The following STAU2 variants were observed in gnomAD, a reference collection of about 807,000 sequenced individuals.
STAU2 encodes the protein staufen double-stranded RNA binding protein 2.
STAU2 carries 20 observed loss-of-function variants against 65.9 expected under a neutral mutation model. The observed-to-expected ratio is 0.30, with a 90% confidence interval of 0.21 to 0.44. The LOEUF (loss-of-function observed/expected upper bound fraction) is 0.44, where lower values mean the gene tolerates loss of function less well. Ranked by LOEUF, STAU2 falls within the 20% of genes least tolerant of loss-of-function variation. The probability of loss-of-function intolerance (pLI) is 1.00; values close to 1 mark genes in which losing one functional copy is unlikely to be tolerated. For synonymous variants in STAU2, 232 were observed against 233.9 expected, an observed-to-expected ratio of 0.99 and a Z score of 0.07; for missense variants, 558 against 683.9, an observed-to-expected ratio of 0.82 and a Z score of 2.05.
chr8:73,724,992 T>C (rs560978246), intron 3 of STAU2, among the ~76,000 whole-genome samples: 47 of 152,324 alleles, frequency 3.1e-4, no homozygotes, highest in African/African-American at 1.1e-3. Flanking sequence ...CAGTTAATTA[T>C]GTGTATGAAA....
At chr8:73,538,079 G>A (rs998616396) in intron 13 of STAU2, among the ~76,000 whole-genome samples, 1 of 152,202 alleles carries the variant, frequency 6.6e-6, no homozygotes, top group Non-Finnish European at 1.5e-5. Flanking sequence ...CCAAAGAACT[G>A]ATACTTGATT....
chr8:73,711,192 A>G (rs1260065120), intron 3 of STAU2, among the ~76,000 whole-genome samples: 1 of 151,698 alleles, frequency 6.6e-6, no homozygotes, highest in Non-Finnish European at 1.5e-5. Flanking sequence ...AGTACAAAAA[A>G]GACAAAAGTC....
At chr8:73,546,148 G>GTTTTTTTTTT (rs1563412799) in intron 13 of STAU2, among the ~76,000 whole-genome samples, 2 of 116,462 alleles carry the variant, frequency 1.7e-5, no homozygotes, top group Non-Finnish European at 1.6e-5. Flanking sequence ...TTTTTTTTTG[G>GTTTTTTTTTT]TAGAGACAGA....
chr8:73,491,637 T>C (rs1821160376), intron 13 of STAU2, among the ~76,000 whole-genome samples: 1 of 151,974 alleles, frequency 6.6e-6, no homozygotes, highest in Non-Finnish European at 1.5e-5. Context: ...TTTAAAATCT[T>C]ATTTTCAAAC....
At chr8:73,730,179 T>A (rs543769014) in intron 3 of STAU2, among the ~76,000 whole-genome samples, 1 of 152,340 alleles carries the variant, frequency 6.6e-6, no homozygotes, top group African/African-American at 2.4e-5. Context: ...CTCTCAGGAC[T>A]GTTTTCACTG....
At chr8:73,717,132 G>A (rs1821305167) in intron 3 of STAU2, among the ~76,000 whole-genome samples, 1 of 151,998 alleles carries the variant, frequency 6.6e-6, no homozygotes, top group Non-Finnish European at 1.5e-5. Flanking sequence ...GTAGGAAAAA[G>A]ATGAATTGCT....
chr8:73,687,706 A>G (rs902491312), intron 5 of STAU2, among the ~76,000 whole-genome samples: 10 of 149,226 alleles, frequency 6.7e-5, no homozygotes, highest in African/African-American at 2.2e-4. Flanking sequence ...CCAAGCCACT[A>G]TCATTTTTGT....
intron 4 of STAU2, among the ~76,000 whole-genome samples, chr8:73,698,097 T>C (rs1819805977): frequency 6.6e-6 from 1 of 151,524 alleles, no homozygotes; most frequent in Non-Finnish European, 1.5e-5. Flanking sequence ...AGAAAATTAA[T>C]TTAAAAAAGA....
chr8:73,602,676 T>C (rs1214216782), intron 10 of STAU2, among the ~76,000 whole-genome samples: 3 of 149,140 alleles, frequency 2.0e-5, no homozygotes, highest in African/African-American at 7.5e-5. Flanking sequence ...TGAGCCATGA[T>C]CATGCCACCG....
intron 13 of STAU2, among the ~76,000 whole-genome samples, chr8:73,531,563 C>T (rs1201732720): frequency 6.6e-6 from 1 of 151,996 alleles, no homozygotes; most frequent in Non-Finnish European, 1.5e-5. Context: ...CTCATAAAGA[C>T]AAGTTAAATA....
chr8:73,508,001 G>C (rs1822166745), intron 13 of STAU2, among the ~76,000 whole-genome samples: 1 of 152,180 alleles, frequency 6.6e-6, no homozygotes, highest in African/African-American at 2.4e-5. Flanking sequence ...ATTAGGCTTT[G>C]GCTTAAGAGA....
At chr8:73,546,387 C>T (rs1343173264) in intron 13 of STAU2, among the ~76,000 whole-genome samples, 1 of 152,108 alleles carries the variant, frequency 6.6e-6, no homozygotes, top group Non-Finnish European at 1.5e-5. Flanking sequence ...GGGCCACCAC[C>T]ACACATTAGT....
chr8:73,539,482 C>A (rs4400376), intron 13 of STAU2, among the ~76,000 whole-genome samples: 3 of 151,724 alleles, frequency 2.0e-5, no homozygotes, highest in Non-Finnish European at 4.4e-5. Flanking sequence ...AATATAATTA[C>A]GCAAAATAAA....
chr8:73,742,194 T>G, intron 1 of STAU2: 1 of 985,190 alleles, frequency 1.0e-6, no homozygotes, highest in Non-Finnish European at 1.2e-6. Flanking sequence ...TCAAGACATA[T>G]CAATAAAATG....
chr8:73,526,989 C>T (rs777032366), intron 13 of STAU2, among the ~76,000 whole-genome samples: 6 of 152,170 alleles, frequency 3.9e-5, no homozygotes, highest in East Asian at 1.9e-4. Context: ...TGCATTATGA[C>T]GTTTTGGTCA....
At chr8:73,442,304 A>G (rs1259789397) in intron 13 of STAU2, among the ~76,000 whole-genome samples, 4 of 149,090 alleles carry the variant, frequency 2.7e-5, no homozygotes, top group Non-Finnish European at 5.9e-5. Context: ...CAGTGAGGCG[A>G]GATTGCACCA....
At chr8:73,721,116 C>CAAAAAA (rs1159562570) in intron 3 of STAU2, among the ~76,000 whole-genome samples, 9 of 43,654 alleles carry the variant, frequency 2.1e-4, no homozygotes, top group Non-Finnish European at 3.0e-4. Context: ...CCCAACACTA[C>CAAAAAA]AAAAAAAAAA....
chr8:73,424,517 A>G (rs972342906), intron 13 of STAU2, among the ~76,000 whole-genome samples: 11 of 151,848 alleles, frequency 7.2e-5, no homozygotes, highest in Admixed American at 4.6e-4. Context: ...TTTGTGAACG[A>G]TATGGCTTTT....
chr8:73,478,562 A>G (rs992609359), intron 13 of STAU2, among the ~76,000 whole-genome samples: 5 of 152,166 alleles, frequency 3.3e-5, no homozygotes, highest in African/African-American at 1.2e-4. Context: ...TTACATAAGT[A>G]TATTTCAAGT....
Sources: allele counts gnomAD v4.1 joint callset (sites outside exome capture counted in the v4.1 genomes callset), GRCh38; gene constraint gnomAD v4.1.1; transcripts MANE v1.5; gene names NCBI Gene and HGNC (gene_info 2026-07-23, HGNC 2026-07-21).